ATP8A2: variants seen among roughly 807,000 people sequenced by gnomAD.
ATP8A2 encodes ATPase phospholipid transporting 8A2.
A neutral mutation model predicts 165.6 loss-of-function variants in ATP8A2; 100 were observed. The observed-to-expected ratio is 0.60, with a 90% CI of 0.51 to 0.71. The LOEUF is 0.71. Ranked by LOEUF, ATP8A2 falls within the 30% of genes least tolerant of loss-of-function variation. ATP8A2 has a pLI of 0.00. For missense variants in ATP8A2, 1,227 were observed against 1,479.5 expected, an observed-to-expected ratio of 0.83 and a Z score of 2.80; for synonymous variants, 543 against 548.8, an observed-to-expected ratio of 0.99 and a Z score of 0.15.
At chr13:25,996,796 G>A (rs1956518011) in intron 35 of ATP8A2, among the ~76,000 whole-genome samples, 1 of 152,222 alleles carries the variant, frequency 6.6e-6, no homozygotes, top group African/African-American at 2.4e-5. Context: ...CATTTCTTCT[G>A]CCTCAGCCTC....
At chr13:25,912,470 A>G (rs1954143230) in intron 33 of ATP8A2, among the ~76,000 whole-genome samples, 1 of 152,164 alleles carries the variant, frequency 6.6e-6, no homozygotes, top group South Asian at 2.1e-4. Context: ...TTTGAGATAT[A>G]TTATACAGAG....
At chr13:25,397,496 CA>C in intron 1 of ATP8A2, among the ~76,000 whole-genome samples, 1 of 152,224 alleles carries the variant, frequency 6.6e-6, no homozygotes, top group South Asian at 2.1e-4. Context: ...CACCTTGACT[CA>C]GTGCACAGTC....
chr13:25,775,366 C>A (rs1221835203), intron 27 of ATP8A2, among the ~76,000 whole-genome samples: 1 of 152,184 alleles, frequency 6.6e-6, no homozygotes, highest in Non-Finnish European at 1.5e-5. Context: ...CTGGAATGAA[C>A]AAGGGGGCCT....
At chr13:25,593,430 C>T (rs2040147581) in intron 24 of ATP8A2, among the ~76,000 whole-genome samples, 1 of 152,126 alleles carries the variant, frequency 6.6e-6, no homozygotes, top group Non-Finnish European at 1.5e-5. Flanking sequence ...TTGTCATATG[C>T]TGCCAAAATA....
rs887796262 is a variant in ATP8A2, at chr13:25,703,607, T to TA, written c.2384+4271dup. 5.3e-4 allele frequency among the ~76,000 whole-genome samples: 80 copies of TA among 150,860 alleles called. No homozygotes were observed. In the East Asian group the frequency reaches 8.6e-3, roughly 16 times the overall value. On this transcript the variant is annotated intron_variant, in intron 25 of 36. Coordinates refer to ENST00000381655, the MANE Select transcript of ATP8A2 (RefSeq NM_016529.6). ...CATACGGTGGAATATTATTGAGCCA[T>TA]AAAAAAAAATAAAGTAGTGACATGT... is the stretch of plus-strand genomic sequence containing the variant.
intron 25 of ATP8A2, among the ~76,000 whole-genome samples, chr13:25,699,980 C>A (rs963648967): frequency 5.9e-5 from 9 of 152,054 alleles, no homozygotes; most frequent in African/African-American, 2.2e-4. Flanking sequence ...GATGAGTGGT[C>A]ACCAAAGGTC....
In ATP8A2 at chr13:25,372,104, C is replaced by G. The variant is rs1386952057; in HGVS notation, c.-109C>G. The G allele has an allele frequency of 1.8e-5, 13 of 730,250 alleles. No homozygotes were observed. The East Asian group carries it at 3.9e-4, about 22-fold the overall frequency. The allele number at this position is 730,250 out of a possible 1,614,324, so 45.2% of individuals were successfully genotyped here. A position where few individuals can be genotyped will look rare whatever the true frequency, so the allele number is the denominator to read the frequency against. Reference sequence around the variant, plus strand: ...CGGCGGTCCCCGCCAGCTAGCAGCCCGGCGAGGCGCTGGCCCACCCATGGT... The same window carrying G: ...CGGCGGTCCCCGCCAGCTAGCAGCCGGGCGAGGCGCTGGCCCACCCATGGT... On this transcript the variant is annotated 5_prime_UTR_variant, in exon 1 of 37. Coordinates refer to ENST00000381655, the MANE Select transcript of ATP8A2 (RefSeq NM_016529.6). The surrounding 1 kb of genome is among the most constrained non-coding windows in gnomAD (Gnocchi z 4.8).
At chr13:25,417,341 A>C (rs1290189876) in intron 1 of ATP8A2, among the ~76,000 whole-genome samples, 1 of 151,450 alleles carries the variant, frequency 6.6e-6, no homozygotes, top group Non-Finnish European at 1.5e-5. Flanking sequence ...CATTTCTCCC[A>C]TTTCCCCAAA....
At chr13:25,820,837 G>A (rs1249855097) in intron 27 of ATP8A2, among the ~76,000 whole-genome samples, 1 of 152,084 alleles carries the variant, frequency 6.6e-6, no homozygotes, top group Non-Finnish European at 1.5e-5. Context: ...TGGAAACCTT[G>A]CCAAAATGAA....
At chr13:25,656,548 C>G (rs2041931808) in intron 24 of ATP8A2, among the ~76,000 whole-genome samples, 1 of 151,946 alleles carries the variant, frequency 6.6e-6, no homozygotes. Flanking sequence ...GCTGGGATTA[C>G]AGGCGTGAGC....
intron 8 of ATP8A2, among the ~76,000 whole-genome samples, chr13:25,540,704 A>G (rs1166290420): frequency 6.6e-6 from 1 of 152,166 alleles, no homozygotes; most frequent in Non-Finnish European, 1.5e-5. Context: ...TTAGTGGACA[A>G]ATGGAGCAGA....
intron 8 of ATP8A2, 140 bp from the exon 9 acceptor site, chr13:25,541,779 G>T: frequency 1.2e-6 from 1 of 825,158 alleles, no homozygotes; most frequent in Non-Finnish European, 1.9e-6. Flanking sequence ...TTGAGGGGCT[G>T]ACAGTTTGAC....
At chr13:25,530,997 G>T (rs537895876) in intron 4 of ATP8A2, among the ~76,000 whole-genome samples, 2 of 151,714 alleles carry the variant, frequency 1.3e-5, no homozygotes, top group Admixed American at 1.3e-4. Flanking sequence ...GCATTGTCTC[G>T]CTCTGCCTGA....
chr13:25,407,062 G>A (rs1222864910), intron 1 of ATP8A2, among the ~76,000 whole-genome samples: 2 of 152,232 alleles, frequency 1.3e-5, no homozygotes, highest in Non-Finnish European at 2.9e-5. Flanking sequence ...TACCACGGTT[G>A]GGTTGAATTA....
intron 28 of ATP8A2, among the ~76,000 whole-genome samples, chr13:25,831,521 T>C (rs1457234693): frequency 9.2e-5 from 14 of 152,126 alleles, no homozygotes; most frequent in Non-Finnish European, 1.5e-5. Flanking sequence ...CCTCTCAAAC[T>C]AATTTTCATA....
intron 24 of ATP8A2, among the ~76,000 whole-genome samples, chr13:25,612,181 G>A (rs60777162): frequency 0.036 from 5,498 of 151,932 alleles, 338 homozygotes; most frequent in African/African-American, 0.13. Context: ...CTGGGTTTGG[G>A]TTTGGTTTGT....
chr13:25,648,784 GTAAATA>G, intron 24 of ATP8A2, among the ~76,000 whole-genome samples: 1 of 152,300 alleles, frequency 6.6e-6, no homozygotes, highest in Non-Finnish European at 1.5e-5. Flanking sequence ...AAAATGCTAT[GTAAATA>G]CTTGTTATAT....
chr13:25,669,436 C>T (rs1394050542), intron 24 of ATP8A2, among the ~76,000 whole-genome samples: 1 of 152,200 alleles, frequency 6.6e-6, no homozygotes, highest in African/African-American at 2.4e-5. Context: ...TTAGTTCTGA[C>T]CTAAGTCATT....
intron 24 of ATP8A2, among the ~76,000 whole-genome samples, chr13:25,649,871 A>T (rs1430365131): frequency 1.3e-5 from 2 of 151,954 alleles, no homozygotes; most frequent in Non-Finnish European, 2.9e-5. Context: ...GTTAGCTGGT[A>T]CCTCTAATCA....
Sources: allele counts gnomAD v4.1 joint callset (sites outside exome capture counted in the v4.1 genomes callset), GRCh38; gene constraint gnomAD v4.1.1; non-coding constraint Gnocchi (gnomAD v3.1); transcripts MANE v1.5; gene names NCBI Gene and HGNC (gene_info 2026-07-23, HGNC 2026-07-21).